The following CSMD1 variants were observed in gnomAD, a reference collection of about 807,000 sequenced individuals.
CSMD1 encodes CUB and sushi domain-containing protein 1.
A neutral mutation model predicts 417.5 loss-of-function variants in CSMD1; 213 were observed. That is an observed-to-expected ratio of 0.51 (90% CI 0.46 to 0.57). The LOEUF (loss-of-function observed/expected upper bound fraction) is 0.57, where lower values mean the gene tolerates loss of function less well. Ranked by LOEUF, CSMD1 falls within the 20% of genes least tolerant of loss-of-function variation. The pLI is 0.00. For synonymous variants in CSMD1, 2,862 were observed against 1,736.8 expected, an observed-to-expected ratio of 1.65 and a Z score of -16.11; for missense variants, 6,923 against 4,529.7, an observed-to-expected ratio of 1.53 and a Z score of -15.17.
intron 3 of CSMD1, among the ~76,000 whole-genome samples, chr8:4,206,943 G>C (rs972801196): frequency 2.0e-5 from 3 of 152,008 alleles, no homozygotes; most frequent in Admixed American, 1.3e-4. Flanking sequence ...TCTTTGAATG[G>C]ATAAAATGCC....
chr8:3,829,611 G>A (rs1293255085), intron 5 of CSMD1, among the ~76,000 whole-genome samples: 1 of 152,140 alleles, frequency 6.6e-6, no homozygotes, highest in Non-Finnish European at 1.5e-5. Context: ...CCTCAGGAGA[G>A]CTGAAGAAAA....
intron 3 of CSMD1, among the ~76,000 whole-genome samples, chr8:4,048,736 T>C (rs1798274777): frequency 6.6e-6 from 1 of 152,240 alleles, no homozygotes; most frequent in South Asian, 2.1e-4. Flanking sequence ...CATGTATATC[T>C]ATAGAACTAT....
In CSMD1 at chr8:4,486,122, CATATATATATATATACATACAT is replaced by C. The variant is rs1326797564; in HGVS notation, c.303-66079_303-66058del. On this transcript the variant is annotated intron_variant, in intron 2 of 69. Transcript: ENST00000635120. ...ATATATATGTATGTATATATACATA[CATATATATATATATACATACAT>C]ATATATATATATACATACATATATA... is the stretch of plus-strand genomic sequence containing the variant. 3.1e-3 allele frequency among the ~76,000 whole-genome samples: 389 copies of C among 126,944 alleles called. 9 individuals carry two copies. Among genetic ancestry groups the C allele is most frequent in the Middle Eastern group, 0.011 (3 of 268 alleles). The allele number at this position is 126,944 out of a possible 152,430, so 83.3% of individuals were successfully genotyped here. A position where few individuals can be genotyped will look rare whatever the true frequency, so the allele number is the denominator to read the frequency against.
At chr8:3,610,938 G>A (rs1801861819) in intron 8 of CSMD1, among the ~76,000 whole-genome samples, 1 of 151,954 alleles carries the variant, frequency 6.6e-6, no homozygotes, top group South Asian at 2.1e-4. Flanking sequence ...TTTCGCACCA[G>A]TCAAGCAACA....
chr8:3,732,478 A>C (rs779982466), intron 6 of CSMD1, among the ~76,000 whole-genome samples: 1 of 152,188 alleles, frequency 6.6e-6, no homozygotes, highest in East Asian at 1.9e-4. Flanking sequence ...TACAAAAAAC[A>C]AAAAGAACCA....
rs936843201 is a variant in CSMD1 at position 3,556,665 on chromosome 8, G to A, written c.1344+18280C>T. On this transcript the variant is annotated intron_variant, in intron 10 of 69. Transcript: ENST00000635120. ...TGTGCCACCTGTTAACGAGGATAAT[G>A]GTAATTGCGTCTCTCTACTGTAAGC... Among the ~76,000 whole-genome samples the A allele has an allele frequency of 6.9e-4, 104 of 151,630 alleles. 3 individuals are homozygous for A. Among genetic ancestry groups the A allele is most frequent in the Non-Finnish European group, 1.9e-4 (13 of 67,948 alleles).
At chr8:3,192,957 A>G (rs1796506896) in intron 33 of CSMD1, among the ~76,000 whole-genome samples, 1 of 152,070 alleles carries the variant, frequency 6.6e-6, no homozygotes, top group African/African-American at 2.4e-5. Flanking sequence ...AAGATATCCC[A>G]TAGAGGCTTC....
At chr8:4,624,499 C>T (rs554774404) in intron 2 of CSMD1, among the ~76,000 whole-genome samples, 5 of 152,238 alleles carry the variant, frequency 3.3e-5, no homozygotes, top group South Asian at 2.1e-4. Flanking sequence ...GTTGCAAGCG[C>T]TGCTACACAG....
At chr8:3,771,860 C>T (rs62479702) in intron 5 of CSMD1, among the ~76,000 whole-genome samples, 26,447 of 151,986 alleles carry the variant, frequency 0.17, 2,919 homozygotes, top group Non-Finnish European at 0.25. Flanking sequence ...CCTTGCTTTG[C>T]CCACTTTTGA....
intron 5 of CSMD1, among the ~76,000 whole-genome samples, chr8:3,780,718 C>T (rs1027478148): frequency 1.3e-5 from 2 of 152,194 alleles, no homozygotes; most frequent in African/African-American, 4.8e-5. Context: ...GAGAAATGCA[C>T]AGATGCTTTC....
chr8:4,455,277 G>A (rs1333725719), intron 2 of CSMD1, among the ~76,000 whole-genome samples: 1 of 152,120 alleles, frequency 6.6e-6, no homozygotes, highest in Non-Finnish European at 1.5e-5. Flanking sequence ...AGGAGAAGGA[G>A]AACTTCATGA....
chr8:4,519,925 G>A (rs924329080), intron 2 of CSMD1, among the ~76,000 whole-genome samples: 1 of 85,306 alleles, frequency 1.2e-5, no homozygotes, highest in African/African-American at 2.7e-5. Flanking sequence ...TATGTAGTGT[G>A]TGTGTGTGTG....
At chr8:3,033,841 T>G (rs1283166409) in intron 50 of CSMD1, among the ~76,000 whole-genome samples, 3 of 152,184 alleles carry the variant, frequency 2.0e-5, no homozygotes, top group Non-Finnish European at 2.9e-5. Context: ...ACACCTTGAA[T>G]TCCTACACAG....
chr8:3,062,540 A>C (rs1392776884), intron 49 of CSMD1, among the ~76,000 whole-genome samples: 1 of 146,462 alleles, frequency 6.8e-6, no homozygotes, highest in Admixed American at 7.0e-5. Flanking sequence ...TAAAAACAAC[A>C]ACAAAACAAA....
intron 3 of CSMD1, among the ~76,000 whole-genome samples, chr8:4,409,944 G>A (rs919760874): frequency 1.3e-5 from 2 of 151,752 alleles, no homozygotes; most frequent in African/African-American, 4.8e-5. Context: ...TTCCCAAGTA[G>A]CTGGGATTAC....
At chr8:3,689,177 A>G (rs1195071737) in intron 7 of CSMD1, among the ~76,000 whole-genome samples, 3 of 152,188 alleles carry the variant, frequency 2.0e-5, no homozygotes, top group Non-Finnish European at 4.4e-5. Flanking sequence ...GGAACATGTC[A>G]TGACTTTCAG....
chr8:4,660,074 C>A, intron 1 of CSMD1, among the ~76,000 whole-genome samples: 1 of 144,674 alleles, frequency 6.9e-6, no homozygotes. Context: ...AAAGGATGTC[C>A]ACTCTTATTC....
chr8:3,159,598 T>C (rs1264726702), intron 38 of CSMD1, among the ~76,000 whole-genome samples: 3 of 152,200 alleles, frequency 2.0e-5, no homozygotes, highest in Admixed American at 6.5e-5. Context: ...GTTAGTAAAA[T>C]TGTCAGTTGT....
chr8:3,453,869 T>C (rs1028358271), intron 12 of CSMD1, among the ~76,000 whole-genome samples: 1 of 152,208 alleles, frequency 6.6e-6, no homozygotes, highest in East Asian at 1.9e-4. Context: ...GATATCCTTG[T>C]TAACTTTCTG....
Sources: allele counts gnomAD v4.1 joint callset (sites outside exome capture counted in the v4.1 genomes callset), GRCh38; gene constraint gnomAD v4.1.1; transcripts MANE v1.5; gene names NCBI Gene and HGNC (gene_info 2026-07-23, HGNC 2026-07-21).